ADGRB3: variants seen among roughly 807,000 people sequenced by gnomAD.
ADGRB3 encodes the protein adhesion G protein-coupled receptor B3.
Under a neutral mutation model 193.4 loss-of-function variants are expected in ADGRB3, and 37 were observed. The observed-to-expected ratio is 0.19, with a 90% confidence interval of 0.15 to 0.25. The LOEUF (loss-of-function observed/expected upper bound fraction) is 0.25, where lower values mean the gene tolerates loss of function less well. Ranked by LOEUF, ADGRB3 falls within the 10% of genes least tolerant of loss-of-function variation. ADGRB3 has a pLI of 1.00. For synonymous variants in ADGRB3, 690 were observed against 644.2 expected, an observed-to-expected ratio of 1.07 and a Z score of -1.08; for missense variants, 1,637 against 1,852.9, an observed-to-expected ratio of 0.88 and a Z score of 2.14.
chr6:69,294,156 T>C (rs1767758275), intron 20 of ADGRB3, among the ~76,000 whole-genome samples: 1 of 151,034 alleles, frequency 6.6e-6, no homozygotes, highest in Non-Finnish European at 1.5e-5. Flanking sequence ...CTTGACTGTA[T>C]TCTGATTGAT....
intron 12 of ADGRB3, among the ~76,000 whole-genome samples, chr6:69,017,173 A>G (rs1321294641): frequency 6.6e-6 from 1 of 151,954 alleles, no homozygotes; most frequent in East Asian, 1.9e-4. Flanking sequence ...GTGAGTAAAT[A>G]TACTGTAGAT....
chr6:68,714,780 C>G (rs1343266070), intron 3 of ADGRB3, among the ~76,000 whole-genome samples: 2 of 151,734 alleles, frequency 1.3e-5, no homozygotes, highest in Non-Finnish European at 2.9e-5. Context: ...ATAGTCAATG[C>G]TTAAAAATAT....
chr6:69,369,548 C>T (rs1488679947), intron 29 of ADGRB3, among the ~76,000 whole-genome samples: 1 of 151,934 alleles, frequency 6.6e-6, no homozygotes, highest in African/African-American at 2.4e-5. Context: ...AAATGCAAAA[C>T]TTAACCAGGT....
At position 68,772,422 on chromosome 6, in the gene ADGRB3, G is replaced by A. The variant is rs113433669; in HGVS notation, c.757+132990G>A. Reference sequence around the variant, plus strand: ...GGACTCTGCTTGAGATGTTGTATGAGTCTCCTGAAACTGCGGATTGGGTTT... The same window carrying A: ...GGACTCTGCTTGAGATGTTGTATGAATCTCCTGAAACTGCGGATTGGGTTT... On this transcript the variant is annotated intron_variant, in intron 3 of 31. Coordinates refer to ENST00000370598, the MANE Select transcript of ADGRB3 (RefSeq NM_001704.3). 7.5e-3 allele frequency among the ~76,000 whole-genome samples: 1,138 copies of A among 152,154 alleles called. 18 individuals are homozygous for A. Among genetic ancestry groups the A allele is most frequent in the African/African-American group, 0.026 (1,091 of 41,516 alleles).
At chr6:68,793,391 T>A (rs1175951431) in intron 3 of ADGRB3, among the ~76,000 whole-genome samples, 1 of 152,200 alleles carries the variant, frequency 6.6e-6, no homozygotes, top group Non-Finnish European at 1.5e-5. Flanking sequence ...CATGTGTGTA[T>A]GTGTATTACA....
intron 3 of ADGRB3, among the ~76,000 whole-genome samples, chr6:68,709,660 T>C (rs1765378337): frequency 6.6e-6 from 1 of 152,182 alleles, no homozygotes; most frequent in Admixed American, 6.6e-5. Flanking sequence ...GCAACTATTT[T>C]TTTCAAATAG....
At chr6:69,305,556 C>T (rs1768050663) in intron 20 of ADGRB3, among the ~76,000 whole-genome samples, 1 of 151,134 alleles carries the variant, frequency 6.6e-6, no homozygotes, top group African/African-American at 2.4e-5. Flanking sequence ...TCCCTTCACA[C>T]TTATTCTGGG....
chr6:69,241,008 A>G (rs955825358), intron 20 of ADGRB3, among the ~76,000 whole-genome samples: 6 of 151,526 alleles, frequency 4.0e-5, no homozygotes, highest in Admixed American at 1.3e-4. Flanking sequence ...TTACTCTCCA[A>G]ACACTCTTGA....
At chr6:68,738,905 T>C (rs1384825976) in intron 3 of ADGRB3, among the ~76,000 whole-genome samples, 4 of 151,888 alleles carry the variant, frequency 2.6e-5, no homozygotes, top group Admixed American at 2.6e-4. Context: ...AGAGAAGGGG[T>C]CTGAGGATTA....
At chr6:69,014,209 A>C in intron 12 of ADGRB3, 103 bp downstream of exon 12, 1 of 839,944 alleles carries the variant, frequency 1.2e-6, no homozygotes. Context: ...AGATATTTTT[A>C]AGTCAGTCTA....
chr6:69,343,578 T>A (rs1769025458), intron 26 of ADGRB3, among the ~76,000 whole-genome samples: 1 of 152,196 alleles, frequency 6.6e-6, no homozygotes, highest in Non-Finnish European at 1.5e-5. Context: ...AATGTTTGCA[T>A]AACTATTTGT....
At chr6:68,952,953 A>T (rs1290440780) in intron 6 of ADGRB3, among the ~76,000 whole-genome samples, 1 of 152,178 alleles carries the variant, frequency 6.6e-6, no homozygotes, top group African/African-American at 2.4e-5. Context: ...AACTACAAAT[A>T]TATGAATTTA....
Position 69,262,562 on chromosome 6 carries a change from A to G in ADGRB3, c.2814+23336A>G, listed in dbSNP as rs1766953189. 2.6e-5 allele frequency among the ~76,000 whole-genome samples: 4 copies of G among 151,674 alleles called. No homozygotes were observed. The South Asian group carries it at 8.3e-4, about 32-fold the overall frequency. On this transcript the variant is annotated intron_variant, in intron 20 of 31. Transcript: ENST00000370598. ...GGCAATTTCTCAATATTTCTCTCCA[A>G]CCCCATATGAAAATTCTAACAATTG...
At chr6:69,368,268 A>G (rs1769626052) in intron 29 of ADGRB3, among the ~76,000 whole-genome samples, 1 of 152,160 alleles carries the variant, frequency 6.6e-6, no homozygotes, top group African/African-American at 2.4e-5. Context: ...AGGAGAGGAG[A>G]TAGAACAGAA....
At chr6:69,020,431 A>C (rs1770229999) in intron 13 of ADGRB3, among the ~76,000 whole-genome samples, 1 of 151,936 alleles carries the variant, frequency 6.6e-6, no homozygotes, top group African/African-American at 2.4e-5. Flanking sequence ...ATTCATCTTT[A>C]CCTTTCTTTG....
At chr6:69,251,718 C>T (rs1230302395) in intron 20 of ADGRB3, among the ~76,000 whole-genome samples, 1 of 152,128 alleles carries the variant, frequency 6.6e-6, no homozygotes, top group East Asian at 1.9e-4. Flanking sequence ...TCTAATGATT[C>T]CCACAGTCAA....
intron 17 of ADGRB3, among the ~76,000 whole-genome samples, chr6:69,130,736 T>A (rs1320013297): frequency 6.6e-6 from 1 of 152,014 alleles, no homozygotes; most frequent in African/African-American, 2.4e-5. Context: ...GTAAACTTGA[T>A]TTAACAAATT....
rs116315696 is a variant in ADGRB3, at chr6:68,694,513, A to G, written c.757+55081A>G. Among the ~76,000 whole-genome samples, 83 of 151,792 alleles carry G rather than the reference A, an allele frequency of 5.5e-4. 1 individual carries two copies. Among genetic ancestry groups the G allele is most frequent in the African/African-American group, 2.0e-3 (82 of 41,442 alleles). On this transcript the variant is annotated intron_variant, in intron 3 of 31. Coordinates refer to ENST00000370598, the MANE Select transcript of ADGRB3 (RefSeq NM_001704.3). ...GAGGTGTGTATGAAAGGGCTAATTC[A>G]CCTTGTTTTTTTAGTCTTCTGACTA...
At chr6:69,295,200 T>C (rs1767785473) in intron 20 of ADGRB3, among the ~76,000 whole-genome samples, 1 of 152,144 alleles carries the variant, frequency 6.6e-6, no homozygotes. Flanking sequence ...ATCTAATATA[T>C]AAATAACGAG....
Sources: allele counts gnomAD v4.1 joint callset (sites outside exome capture counted in the v4.1 genomes callset), GRCh38; gene constraint gnomAD v4.1.1; transcripts MANE v1.5; gene names NCBI Gene and HGNC (gene_info 2026-07-23, HGNC 2026-07-21).